The following PTPRB variants were observed in gnomAD, a reference collection of about 807,000 sequenced individuals.
PTPRB encodes the protein protein tyrosine phosphatase receptor type B, also known as receptor-type tyrosine-protein phosphatase beta.
A neutral mutation model predicts 238.1 loss-of-function variants in PTPRB; 97 were observed. That is an observed-to-expected ratio of 0.41 (90% confidence interval 0.35 to 0.48). The LOEUF is 0.48. PTPRB is among the 20% of genes least tolerant of loss of function. PTPRB has a pLI of 0.30. For missense variants in PTPRB, 2,292 were observed against 2,681.9 expected (o/e 0.85, Z 3.21); for synonymous variants, 970 against 995.4 (o/e 0.97, Z 0.48).
intron 9 of PTPRB, among the ~76,000 whole-genome samples, chr12:70,583,475 C>T (rs952395784): frequency 2.0e-5 from 3 of 152,080 alleles, no homozygotes; most frequent in African/African-American, 4.8e-5. Flanking sequence ...TTTTATAGCA[C>T]TGCAGGATAT....
chr12:70,569,809 A>G lies in PTPRB; in HGVS notation c.3500T>C (p.Val1167Ala), dbSNP rs559864287. The G allele has an allele frequency of 4.9e-5, 79 of 1,613,802 alleles. 2 individuals carry two copies. The Admixed American group carries it at 1.2e-3, about 24-fold the overall frequency. The stretch of plus-strand genomic sequence containing the variant: ...GTGCTTGGGAATAGTCTGAGAGTCA[A>G]CCTTTTGACTGTGCCTGAATGCCGA... Reference protein sequence around the residue: ...TVSAFRHSQKVDSQTIPKHVF... With the variant: ...TVSAFRHSQKADSQTIPKHVF... The change falls in exon 14 of 34, where the codon GTT becomes GCT. Residue 1167 changes from valine (V) to alanine (A), a missense_variant. Val to Ala is a moderately conservative substitution (Grantham distance 64). This residue lies in a region of PTPRB where 683 missense variants were observed against 862.0 expected (regional missense o/e 0.79). Coordinates refer to ENST00000334414, the MANE Select transcript of PTPRB (RefSeq NM_001109754.4).
At position 70,577,008 on chromosome 12, in the gene PTPRB, T is replaced by C. The variant is rs934860520; in HGVS notation, c.2579-363A>G. Among the ~76,000 whole-genome samples, 11 of 152,238 alleles carry C rather than the reference T, an allele frequency of 7.2e-5. 1 individual carries two copies. Among genetic ancestry groups the C allele is most frequent in the African/African-American group, 2.4e-4 (10 of 41,528 alleles). ...CCCTGTAAGAAAGGGAACAAATATTTCAACAATCTAAATGAATCAACTTGA... is the reference window on the plus strand; with the variant it reads ...CCCTGTAAGAAAGGGAACAAATATTCCAACAATCTAAATGAATCAACTTGA... On this transcript the variant is annotated intron_variant, in intron 10 of 33. Coordinates refer to ENST00000334414, the MANE Select transcript of PTPRB (RefSeq NM_001109754.4).
intron 32 of PTPRB, among the ~76,000 whole-genome samples, chr12:70,524,839 GTGTGTATATA>G (rs1192653179): frequency 6.9e-6 from 1 of 144,776 alleles, no homozygotes; most frequent in Non-Finnish European, 1.5e-5. Context: ...GTGCATATAT[GTGTGTATATA>G]TGTGTGTATA....
chr12:70,539,923 C>T lies in PTPRB; in HGVS notation c.5678+16G>A. On this transcript the variant is annotated intron_variant, in intron 24 of 33. Coordinates refer to ENST00000334414, the MANE Select transcript of PTPRB (RefSeq NM_001109754.4). ...CATCTTTCAACAAATTATACGAAGGCAAATGTGGTGCTTACCCTTTCTGGC... is the reference window on the plus strand; with the variant it reads ...CATCTTTCAACAAATTATACGAAGGTAAATGTGGTGCTTACCCTTTCTGGC... The T allele has an allele frequency of 6.3e-7, 1 of 1,597,444 alleles. No homozygotes were observed. The highest frequency in any genetic ancestry group is 8.6e-7 in the Non-Finnish European group (1 of 1,164,870).
intron 11 of PTPRB, among the ~76,000 whole-genome samples, chr12:70,573,657 C>T (rs963704050): frequency 1.3e-5 from 2 of 151,840 alleles, no homozygotes; most frequent in African/African-American, 4.8e-5. Context: ...AGGTGCCTGC[C>T]ACTACACCTA....
chr12:70,630,193 A>G (rs183341726), intron 2 of PTPRB, among the ~76,000 whole-genome samples: 1 of 152,228 alleles, frequency 6.6e-6, no homozygotes, highest in Non-Finnish European at 1.5e-5. Context: ...AACCGAATCC[A>G]GCAGCATATC....
chr12:70,620,443 C>T (rs914637414), intron 3 of PTPRB, among the ~76,000 whole-genome samples: 3 of 152,138 alleles, frequency 2.0e-5, no homozygotes, highest in Non-Finnish European at 2.9e-5. Flanking sequence ...TAAAAGACAA[C>T]CCTTTAGTGT....
chr12:70,567,799 T>C (rs567475666), intron 14 of PTPRB, among the ~76,000 whole-genome samples: 1 of 152,342 alleles, frequency 6.6e-6, no homozygotes, highest in South Asian at 2.1e-4. Flanking sequence ...TCTTTGTGAT[T>C]TGGTCTCTCT....
At chr12:70,573,505 C>CTTTTTTTTTTT (rs937307862) in intron 11 of PTPRB, among the ~76,000 whole-genome samples, 16 of 90,812 alleles carry the variant, frequency 1.8e-4, no homozygotes, top group Non-Finnish European at 2.2e-4. Flanking sequence ...CTTTTCTTTT[C>CTTTTTTTTTTT]TTTTTTTTTT....
At chr12:70,574,493 A>G (rs1880468530) in intron 11 of PTPRB, among the ~76,000 whole-genome samples, 1 of 152,234 alleles carries the variant, frequency 6.6e-6, no homozygotes, top group East Asian at 1.9e-4. Context: ...GATCCAGGCA[A>G]TTTGCTAAAG....
intron 18 of PTPRB, among the ~76,000 whole-genome samples, chr12:70,557,391 C>G (rs1013347882): frequency 1.3e-5 from 2 of 152,154 alleles, no homozygotes; most frequent in African/African-American, 4.8e-5. Context: ...TCGAAGAAAA[C>G]AAAACAAAAC....
chr12:70,596,249 G>GGAA lies in PTPRB; in HGVS notation c.1057_1058insTTC (p.Ser353delinsPhePro), dbSNP rs1341820863. On this transcript the variant is annotated protein_altering_variant, in exon 5 of 34. Coordinates refer to ENST00000334414, the MANE Select transcript of PTPRB (RefSeq NM_001109754.4). Reference sequence around the variant, plus strand: ...CTCATATGAGGTGACTTTTCCGGAAGAAGGAGTCCACCAAACATGCAAGCT... The same window carrying GGAA: ...CTCATATGAGGTGACTTTTCCGGAAGGAAAAGGAGTCCACCAAACATGCAAGCT... The GGAA allele has an allele frequency of 5.6e-6, 9 of 1,612,618 alleles. No individual in the cohort carries two copies. Among genetic ancestry groups the GGAA allele is most frequent in the Non-Finnish European group, 6.8e-6 (8 of 1,179,642 alleles).
intron 14 of PTPRB, among the ~76,000 whole-genome samples, chr12:70,568,348 A>G (rs1308813365): frequency 6.6e-6 from 1 of 152,128 alleles, no homozygotes; most frequent in East Asian, 1.9e-4. Flanking sequence ...ACCAAGCTGG[A>G]GTGCAGTGGC....
chr12:70,571,422 CATAATTAAACAAGAAAAATTGG>C (rs1880039776), intron 12 of PTPRB, 133 bp from the exon 13 acceptor site: 1 of 891,770 alleles, frequency 1.1e-6, no homozygotes, highest in Non-Finnish European at 1.7e-6. Context: ...CTACTTCATG[CATAATTAAACAAGAAAAATTGG>C]AAGCAACTAT....
chr12:70,635,747 T>C lies in PTPRB; in HGVS notation c.375A>G (p.Lys125=), dbSNP rs1241568469. The change falls in exon 2 of 34, where the codon AAA becomes AAG. Residue 125 remains lysine, a synonymous_variant. Transcript: ENST00000334414. The part of the protein sequence containing the change: ...GSRVVVKKAR[K]YLHSWMKIDV... ...CTATTTTCATCCAGCTATGGAGGTATTTCCTGGCCTTCTTGACCACTACTC... is the reference window on the plus strand; with the variant it reads ...CTATTTTCATCCAGCTATGGAGGTACTTCCTGGCCTTCTTGACCACTACTC... 1.9e-6 allele frequency: 3 copies of C among 1,613,854 alleles called. No homozygotes were observed. Among genetic ancestry groups the C allele is most frequent in the Non-Finnish European group, 2.5e-6 (3 of 1,179,886 alleles).
chr12:70,545,694 C>G (rs958241187), intron 21 of PTPRB, among the ~76,000 whole-genome samples: 1 of 152,046 alleles, frequency 6.6e-6, no homozygotes, highest in African/African-American at 2.4e-5. Flanking sequence ...TGGCCAGGAG[C>G]CCTGGCAATG....
At chr12:70,529,709 G>C (rs1872893291) in intron 32 of PTPRB, among the ~76,000 whole-genome samples, 1 of 152,098 alleles carries the variant, frequency 6.6e-6, no homozygotes, top group African/African-American at 2.4e-5. Context: ...TGAAATAACA[G>C]CGCTAGGCAG....
chr12:70,557,731 C>G (rs3782375), intron 18 of PTPRB, among the ~76,000 whole-genome samples: 68,503 of 152,150 alleles, frequency 0.45, 16,516 homozygotes, highest in African/African-American at 0.62. Flanking sequence ...AGCCTACACA[C>G]CCTGTGCTGG....
At chr12:70,577,151 TG>T (rs1226605788) in intron 10 of PTPRB, among the ~76,000 whole-genome samples, 16 of 152,162 alleles carry the variant, frequency 1.1e-4, no homozygotes, top group Admixed American at 2.0e-4. Context: ...TATTCATTCC[TG>T]GGAAGTAATA....
Sources: allele counts gnomAD v4.1 joint callset (sites outside exome capture counted in the v4.1 genomes callset), GRCh38; gene constraint gnomAD v4.1.1; regional missense constraint gnomAD v4.1.1; transcripts MANE v1.5; gene names NCBI Gene and HGNC (gene_info 2026-07-23, HGNC 2026-07-21).